CNTNAP2: variants seen among roughly 807,000 people sequenced by gnomAD.
CNTNAP2 encodes contactin associated protein 2.
Under a neutral mutation model 155.2 loss-of-function variants are expected in CNTNAP2, and 98 were observed. The ratio of observed to expected loss-of-function variants is 0.63; its 90% CI spans 0.54 to 0.75. The LOEUF is 0.75. Among genes scored for constraint, CNTNAP2 ranks in the 30% least tolerant of loss-of-function variants. CNTNAP2 has a pLI of 0.00. For missense variants in CNTNAP2, 1,727 were observed against 1,688.1 expected, an observed-to-expected ratio of 1.02 and a Z score of -0.40; for synonymous variants, 651 against 631.2, an observed-to-expected ratio of 1.03 and a Z score of -0.47.
At chr7:148,211,770 G>C (rs115322018) in intron 18 of CNTNAP2, among the ~76,000 whole-genome samples, 1 of 152,140 alleles carries the variant, frequency 6.6e-6, no homozygotes, top group Admixed American at 6.6e-5. Context: ...GCACTCTTCA[G>C]TAATCTTTTA....
intron 1 of CNTNAP2, among the ~76,000 whole-genome samples, chr7:146,132,641 C>T (rs1488700230): frequency 3.4e-5 from 5 of 148,260 alleles, no homozygotes; most frequent in Non-Finnish European, 7.4e-5. Context: ...GTTCAATTCC[C>T]ACCTATGAGT....
At chr7:147,478,224 C>A (rs998614785) in intron 10 of CNTNAP2, among the ~76,000 whole-genome samples, 1 of 151,960 alleles carries the variant, frequency 6.6e-6, no homozygotes, top group Admixed American at 6.6e-5. Flanking sequence ...ATGATCTCGG[C>A]TCACTGCAAC....
intron 17 of CNTNAP2, among the ~76,000 whole-genome samples, chr7:148,163,457 A>G (rs891463087): frequency 6.6e-6 from 1 of 152,206 alleles, no homozygotes; most frequent in Admixed American, 6.5e-5. Flanking sequence ...CCCCCATTGC[A>G]TAACATTTCA....
intron 1 of CNTNAP2, among the ~76,000 whole-genome samples, chr7:146,675,899 G>A (rs748802768): frequency 5.3e-5 from 8 of 152,066 alleles, no homozygotes; most frequent in Non-Finnish European, 1.2e-4. Context: ...TTAGTAAGTA[G>A]AATTTCATAA....
intron 11 of CNTNAP2, among the ~76,000 whole-genome samples, chr7:147,501,729 T>A (rs1798817274): frequency 6.6e-6 from 1 of 152,236 alleles, no homozygotes; most frequent in Non-Finnish European, 1.5e-5. Flanking sequence ...ATGTTAGATG[T>A]ATTAGATACA....
At chr7:147,618,175 A>G (rs913500021) in intron 12 of CNTNAP2, among the ~76,000 whole-genome samples, 6 of 152,176 alleles carry the variant, frequency 3.9e-5, no homozygotes, top group African/African-American at 1.4e-4. Flanking sequence ...CGCAATATAA[A>G]AGATCTTAAG....
intron 21 of CNTNAP2, among the ~76,000 whole-genome samples, chr7:148,339,047 C>G (rs1047562895): frequency 1.4e-4 from 21 of 152,148 alleles, no homozygotes; most frequent in African/African-American, 4.1e-4. Context: ...GTCTCTGTGT[C>G]TCTCTCTCTG....
intron 11 of CNTNAP2, among the ~76,000 whole-genome samples, chr7:147,510,271 C>T (rs1253608620): frequency 6.6e-6 from 1 of 152,160 alleles, no homozygotes; most frequent in Non-Finnish European, 1.5e-5. Flanking sequence ...TATTTAGTGG[C>T]CTTTTACAGA....
rs537376958 is a variant in CNTNAP2 at position 147,547,822 on chromosome 7, A to G, written c.1778-14316A>G. ...CCCTCTCCGTGTCCATGTGTTCTCA[A>G]TATTCAACTCTCACTTATGAGTGAG... On this transcript the variant is annotated intron_variant, in intron 11 of 23. Transcript: ENST00000361727. 4.6e-5 allele frequency among the ~76,000 whole-genome samples: 7 copies of G among 152,004 alleles called. No individual in the cohort carries two copies. The South Asian group carries it at 1.2e-3, about 27-fold the overall frequency.
intron 12 of CNTNAP2, among the ~76,000 whole-genome samples, chr7:147,574,237 C>A (rs1800346487): frequency 6.6e-6 from 1 of 152,056 alleles, no homozygotes; most frequent in Admixed American, 6.6e-5. Flanking sequence ...AATAAAACAT[C>A]TTTTTTTCCC....
intron 16 of CNTNAP2, among the ~76,000 whole-genome samples, chr7:148,143,097 C>A (rs1805108833): frequency 6.6e-6 from 1 of 152,114 alleles, no homozygotes; most frequent in South Asian, 2.1e-4. Flanking sequence ...CATTTTATTT[C>A]TCTTAGAATC....
intron 3 of CNTNAP2, among the ~76,000 whole-genome samples, chr7:146,912,869 T>C (rs141927911): frequency 1.2e-3 from 176 of 152,272 alleles, no homozygotes; most frequent in African/African-American, 3.3e-3. Flanking sequence ...CTCTTAATCA[T>C]TTTAACATTC....
Position 147,438,018 on chromosome 7 carries a change from CTT to C in CNTNAP2, c.1670+42240_1670+42241del, listed in dbSNP as rs1797580113. Among the ~76,000 whole-genome samples, 3 of 152,088 alleles carry C rather than the reference CTT, an allele frequency of 2.0e-5. No individual in the cohort carries two copies. The South Asian group carries it at 6.2e-4, about 32-fold the overall frequency. ...TTCTAATAGTTTTTTTGTGTGCAGT[CTT>C]TAGGTTTTTCCAAATATAAGATCAT... On this transcript the variant is annotated intron_variant, in intron 10 of 23. Transcript: ENST00000361727.
chr7:146,908,154 G>C (rs1335728744), intron 3 of CNTNAP2, among the ~76,000 whole-genome samples: 1 of 152,092 alleles, frequency 6.6e-6, no homozygotes, highest in East Asian at 1.9e-4. Flanking sequence ...CATAAAGCAA[G>C]TCCTGAGTGA....
intron 1 of CNTNAP2, among the ~76,000 whole-genome samples, chr7:146,413,808 A>G (rs1041813640): frequency 1.3e-5 from 2 of 152,186 alleles, no homozygotes; most frequent in South Asian, 2.1e-4. Context: ...CTTTAAAAGG[A>G]AAGCACTTTT....
At chr7:146,867,442 T>G (rs1484253632) in intron 3 of CNTNAP2, among the ~76,000 whole-genome samples, 12 of 152,204 alleles carry the variant, frequency 7.9e-5, no homozygotes, top group Admixed American at 7.9e-4. Context: ...TTAGGTTGAT[T>G]TCATATCTTT....
chr7:146,388,148 T>C (rs1174053839), intron 1 of CNTNAP2, among the ~76,000 whole-genome samples: 4 of 151,826 alleles, frequency 2.6e-5, no homozygotes, highest in Non-Finnish European at 5.9e-5. Flanking sequence ...GGAATGCTTT[T>C]GGCCGGGCAT....
chr7:147,504,669 A>G (rs1798875878), intron 11 of CNTNAP2, among the ~76,000 whole-genome samples: 1 of 140,978 alleles, frequency 7.1e-6, no homozygotes, highest in South Asian at 2.3e-4. Flanking sequence ...GTCCTGGGCG[A>G]CAGAATGAGA....
chr7:146,203,932 A>AT (rs1162200046), intron 1 of CNTNAP2, among the ~76,000 whole-genome samples: 1 of 152,120 alleles, frequency 6.6e-6, no homozygotes, highest in Non-Finnish European at 1.5e-5. Flanking sequence ...CATAGTTGTG[A>AT]TTTTTTGGGG....
Sources: gnomAD v4.1 joint callset for allele counts (sites outside exome capture counted in the v4.1 genomes callset) on GRCh38, gnomAD v4.1.1 for gene constraint, MANE v1.5 for transcripts, NCBI Gene and HGNC (gene_info 2026-07-23, HGNC 2026-07-21) for gene names.